The following TNS3 variants were observed in gnomAD, a reference collection of about 807,000 sequenced individuals.
TNS3 encodes tensin-3.
In TNS3, 45 loss-of-function variants were observed where a neutral mutation model predicts 140.9. That is an observed-to-expected ratio of 0.32 (90% CI 0.25 to 0.41). TNS3 has a LOEUF of 0.41. Among genes scored for constraint, TNS3 ranks in the 10% least tolerant of loss-of-function variants. The probability of loss-of-function intolerance (pLI) is 1.00; values close to 1 mark genes in which losing one functional copy is unlikely to be tolerated. For missense variants in TNS3, 1,716 were observed against 1,906.7 expected (o/e 0.90, Z 1.86); for synonymous variants, 815 against 788.4 (o/e 1.03, Z -0.56).
At chr7:47,453,349 G>A (rs1030752149) in intron 4 of TNS3, 3 of 703,470 alleles carry the variant, frequency 4.3e-6, no homozygotes, top group Non-Finnish European at 5.2e-6. Context: ...CCACTAGGGA[G>A]AACCGCCTCT....
intron 17 of TNS3, among the ~76,000 whole-genome samples, chr7:47,368,098 G>C (rs529131686): frequency 6.6e-6 from 1 of 152,316 alleles, no homozygotes; most frequent in African/African-American, 2.4e-5. Context: ...TTCCAGCAGA[G>C]AGCATGCTGT....
chr7:47,453,193 C>T (rs1197143013), intron 4 of TNS3: 3 of 985,494 alleles, frequency 3.0e-6, no homozygotes, highest in African/African-American at 1.7e-5. Flanking sequence ...AGGCATGGAG[C>T]TCACAGGACA....
At chr7:47,303,644 C>T in intron 21 of TNS3, 60 bp from the exon 22 acceptor site, 2 of 1,488,404 alleles carry the variant, frequency 1.3e-6, no homozygotes, top group Non-Finnish European at 1.8e-6. Flanking sequence ...ACCTGAAGAC[C>T]AGCAAGCGTC....
At chr7:47,305,042 T>C in intron 20 of TNS3, 39 bp from the exon 21 acceptor site, 2 of 1,321,652 alleles carry the variant, frequency 1.5e-6, no homozygotes, top group African/African-American at 1.5e-5. Flanking sequence ...ACCTCGGTTG[T>C]AGGACTGGAG....
intron 3 of TNS3, among the ~76,000 whole-genome samples, chr7:47,499,913 C>T (rs34211819): frequency 2.0e-5 from 3 of 151,864 alleles, no homozygotes; most frequent in Non-Finnish European, 2.9e-5. Flanking sequence ...GCGATGCTGA[C>T]GGCAGGAGAG....
At chr7:47,382,124 C>T (rs1036036930) in intron 16 of TNS3, among the ~76,000 whole-genome samples, 5 of 152,120 alleles carry the variant, frequency 3.3e-5, no homozygotes, top group African/African-American at 2.4e-5. Context: ...AGAAAAGCAA[C>T]GGCCAAGGTA....
At chr7:47,550,846 C>T (rs148622094) in intron 1 of TNS3, among the ~76,000 whole-genome samples, 409 of 152,210 alleles carry the variant, frequency 2.7e-3, no homozygotes, top group African/African-American at 9.5e-3. Flanking sequence ...ATATGGAAAA[C>T]GCCCATGGGA....
chr7:47,322,992 T>A lies in TNS3; in HGVS notation c.2651-17989A>T, dbSNP rs149290247. ...TACATAGGAGGCCAGCAGGGAGGGG[T>A]CCCCTGCTGAGGATTCATTGCATGG... On this transcript the variant is annotated intron_variant, in intron 20 of 30. Coordinates refer to ENST00000311160, the MANE Select transcript of TNS3 (RefSeq NM_022748.12). Among the ~76,000 whole-genome samples, 1,122 of 151,900 alleles carry A rather than the reference T, an allele frequency of 7.4e-3. 16 individuals are homozygous for A. The highest frequency in any genetic ancestry group is 0.03 in the Admixed American group (462 of 15,260).
chr7:47,421,337 A>G (rs571414013), intron 10 of TNS3, among the ~76,000 whole-genome samples: 1 of 152,230 alleles, frequency 6.6e-6, no homozygotes, highest in Non-Finnish European at 1.5e-5. Flanking sequence ...GGGCAATTAC[A>G]GCTCACTGTA....
At chr7:47,479,412 T>G (rs1797329039) in intron 4 of TNS3, among the ~76,000 whole-genome samples, 1 of 151,936 alleles carries the variant, frequency 6.6e-6, no homozygotes, top group Non-Finnish European at 1.5e-5. Flanking sequence ...CCTGAGGAAA[T>G]CAGTCACAAA....
At position 47,298,905 on chromosome 7, in the gene TNS3, C is replaced by T. The variant is rs62446265; in HGVS notation, c.3545-1692G>A. Among the ~76,000 whole-genome samples, 301 of 152,336 alleles carry T rather than the reference C, an allele frequency of 2.0e-3. 2 individuals carry two copies. The highest frequency in any genetic ancestry group is 2.2e-3 in the Non-Finnish European group (149 of 68,028). On this transcript the variant is annotated intron_variant, in intron 23 of 30. Coordinates refer to ENST00000311160, the MANE Select transcript of TNS3 (RefSeq NM_022748.12). ...ATGAAGCAGGAGCTTCTAAACAGCA[C>T]GCAGTGGGAAGGATGGGCAGGAAAA...
chr7:47,284,758 T>C (rs1371429876), intron 27 of TNS3, among the ~76,000 whole-genome samples: 1 of 152,250 alleles, frequency 6.6e-6, no homozygotes, highest in Non-Finnish European at 1.5e-5. Context: ...TGTGGGTGTC[T>C]TAATTCCGTG....
chr7:47,401,686 G>C (rs920350607), intron 13 of TNS3, among the ~76,000 whole-genome samples: 2 of 152,224 alleles, frequency 1.3e-5, no homozygotes, highest in East Asian at 3.9e-4. Context: ...TGAGTGTCCT[G>C]ACCTGCCTGT....
chr7:47,280,105 T>G, intron 30 of TNS3, 59 bp downstream of exon 30: 15 of 1,601,270 alleles, frequency 9.4e-6, no homozygotes, highest in Non-Finnish European at 1.3e-5. Context: ...GGAAGAGAAT[T>G]CAACTTTGGA....
intron 1 of TNS3, among the ~76,000 whole-genome samples, chr7:47,548,881 A>G (rs1799989469): frequency 1.3e-5 from 2 of 151,990 alleles, no homozygotes; most frequent in Non-Finnish European, 2.9e-5. Context: ...TTTCTCCCCA[A>G]CATGTCCTCC....
intron 20 of TNS3, among the ~76,000 whole-genome samples, chr7:47,319,052 C>G (rs1175571854): frequency 1.3e-5 from 2 of 152,206 alleles, no homozygotes; most frequent in African/African-American, 2.4e-5. Flanking sequence ...GTCACTTTAG[C>G]CTGGTGGCTC....
At chr7:47,389,104 GGAAGCAGAAGAAGAAGAAGAAGAAGAA>G (rs1792328225) in intron 16 of TNS3, among the ~76,000 whole-genome samples, 1 of 29,978 alleles carries the variant, frequency 3.3e-5, no homozygotes, top group African/African-American at 2.0e-4. Flanking sequence ...AAGAGGAAGC[GGAAGCAGAAGAAGAAGAAGAAGAAGAA>G]GAAGAAGAAG....
At chr7:47,428,839 T>C (rs1159492907) in intron 8 of TNS3, among the ~76,000 whole-genome samples, 1 of 152,232 alleles carries the variant, frequency 6.6e-6, no homozygotes, top group Non-Finnish European at 1.5e-5. Flanking sequence ...TGCCGGCACC[T>C]GAGCTCCACA....
At chr7:47,358,729 A>G (rs1022360777) in intron 17 of TNS3, among the ~76,000 whole-genome samples, 3 of 152,232 alleles carry the variant, frequency 2.0e-5, no homozygotes, top group Non-Finnish European at 4.4e-5. Context: ...GACATGTGGC[A>G]TGATTGGAAA....
Sources: gnomAD v4.1 joint callset for allele counts (sites outside exome capture counted in the v4.1 genomes callset) on GRCh38, gnomAD v4.1.1 for gene constraint, MANE v1.5 for transcripts, NCBI Gene and HGNC (gene_info 2026-07-23, HGNC 2026-07-21) for gene names.